Variants in TULP4 observed in about 807,000 individuals in gnomAD.
The protein encoded by TULP4 is tubby-related protein 4.
A neutral mutation model predicts 129.0 loss-of-function variants in TULP4; 16 were observed. The ratio of observed to expected loss-of-function variants is 0.12; its 90% CI spans 0.08 to 0.19. TULP4 has a LOEUF of 0.19. Among genes scored for constraint, TULP4 ranks in the 10% least tolerant of loss-of-function variants. The pLI, the probability that TULP4 is intolerant of heterozygous loss-of-function variation, is 1.00. For missense variants in TULP4, 1,842 were observed against 2,059.1 expected, an observed-to-expected ratio of 0.89 and a Z score of 2.04; for synonymous variants, 998 against 854.0, an observed-to-expected ratio of 1.17 and a Z score of -2.94.
intron 1 of TULP4, among the ~76,000 whole-genome samples, chr6:158,319,461 C>G (rs1424288694): frequency 6.6e-6 from 1 of 152,090 alleles, no homozygotes; most frequent in Admixed American, 6.6e-5. Context: ...GCAGAAAAAC[C>G]CTGTGTCCCC....
At chr6:158,427,471 CTTTTTTTTTTTTTTTTTTTTTTTTTTTTT>C (rs557678837) in intron 2 of TULP4, among the ~76,000 whole-genome samples, 18 of 74,124 alleles carry the variant, frequency 2.4e-4, no homozygotes, top group East Asian at 8.4e-4. Flanking sequence ...ATTATCAGAC[CTTTTTTTTTTTTTTTTTTTTTTTTTTTTT>C]TTTTTTTTTT....
chr6:158,410,418 A>T (rs374747612), intron 1 of TULP4, among the ~76,000 whole-genome samples: 3 of 152,226 alleles, frequency 2.0e-5, no homozygotes, highest in African/African-American at 4.8e-5. Flanking sequence ...ACATCTTGTC[A>T]TCAAGTATTA....
chr6:158,412,384 G>T (rs1778116208), intron 1 of TULP4, among the ~76,000 whole-genome samples: 1 of 152,006 alleles, frequency 6.6e-6, no homozygotes, highest in African/African-American at 2.4e-5. Context: ...GACTCCTCCG[G>T]CACTCACCTA....
intron 9 of TULP4, among the ~76,000 whole-genome samples, chr6:158,491,144 A>G (rs1780189624): frequency 1.3e-5 from 2 of 152,196 alleles, no homozygotes; most frequent in Admixed American, 6.5e-5. Context: ...CCTACCAGCA[A>G]TTTCCAAGAG....
chr6:158,322,009 C>T (rs755191543), intron 1 of TULP4, among the ~76,000 whole-genome samples: 1 of 152,204 alleles, frequency 6.6e-6, no homozygotes, highest in Non-Finnish European at 1.5e-5. Context: ...GGCCCAGAGC[C>T]ACTGGGGACT....
intron 1 of TULP4, among the ~76,000 whole-genome samples, chr6:158,376,164 G>A (rs1230877209): frequency 6.6e-6 from 1 of 152,182 alleles, no homozygotes; most frequent in African/African-American, 2.4e-5. Flanking sequence ...TTGTCTATTG[G>A]ATAGCACGTC....
intron 1 of TULP4, among the ~76,000 whole-genome samples, chr6:158,236,818 T>C (rs1398033246): frequency 1.1e-5 from 1 of 90,624 alleles, no homozygotes; most frequent in Non-Finnish European, 2.3e-5. Flanking sequence ...TTTTTTTTTT[T>C]TTTTTTTTTT....
chr6:158,404,908 A>C (rs1361157385), intron 1 of TULP4, among the ~76,000 whole-genome samples: 1 of 152,144 alleles, frequency 6.6e-6, no homozygotes, highest in East Asian at 1.9e-4. Context: ...GTGATATTTT[A>C]AGCCGAATGA....
At chr6:158,342,435 A>T (rs1423791493) in intron 1 of TULP4, among the ~76,000 whole-genome samples, 3 of 152,222 alleles carry the variant, frequency 2.0e-5, no homozygotes, top group Non-Finnish European at 2.9e-5. Flanking sequence ...AAATGCCGAG[A>T]ACTAGGTTTT....
At chr6:158,295,539 A>T (rs1265250652) in intron 1 of TULP4, among the ~76,000 whole-genome samples, 1 of 152,178 alleles carries the variant, frequency 6.6e-6, no homozygotes, top group South Asian at 2.1e-4. Flanking sequence ...TATAAAGTGT[A>T]TATATGTAAT....
At chr6:158,287,364 T>C (rs1778851223) in intron 1 of TULP4, among the ~76,000 whole-genome samples, 1 of 152,224 alleles carries the variant, frequency 6.6e-6, no homozygotes, top group African/African-American at 2.4e-5. Context: ...TTTATTCCTA[T>C]GTAGGGTCAT....
chr6:158,505,648 G>A (rs1480132442), intron 13 of TULP4, among the ~76,000 whole-genome samples: 2 of 152,232 alleles, frequency 1.3e-5, no homozygotes, highest in African/African-American at 2.4e-5. Context: ...CGTGTGCTAG[G>A]GCATGGCGTC....
chr6:158,457,516 G>A (rs1562574545), intron 5 of TULP4, among the ~76,000 whole-genome samples: 1 of 152,134 alleles, frequency 6.6e-6, no homozygotes, highest in Admixed American at 6.5e-5. Context: ...CACGCAATAA[G>A]CAGGGAATTG....
chr6:158,432,504 C>G (rs941607472), intron 3 of TULP4, among the ~76,000 whole-genome samples: 1 of 152,182 alleles, frequency 6.6e-6, no homozygotes, highest in Admixed American at 6.5e-5. Context: ...ACCTCTTCCT[C>G]ACATCTTGAG....
chr6:158,495,668 C>G (rs1293593249), intron 11 of TULP4, among the ~76,000 whole-genome samples: 1 of 152,042 alleles, frequency 6.6e-6, no homozygotes, highest in Non-Finnish European at 1.5e-5. Context: ...CATGGAGAAC[C>G]TTTCTCTTCT....
chr6:158,263,427 C>G (rs1312245097), intron 1 of TULP4, among the ~76,000 whole-genome samples: 1 of 152,160 alleles, frequency 6.6e-6, no homozygotes, highest in African/African-American at 2.4e-5. Context: ...CTGCTAAAGA[C>G]TTTATTCCTT....
Position 158,502,215 on chromosome 6 carries a change from C to A in TULP4, c.2552C>A (p.Pro851Gln). The part of the protein sequence containing the change: ...IPAAPTTAAP[P>Q]PPLPPPQPPV... ...GCTGCCCCCACCACAGCAGCACCCC[C>A]GCCCCCTCTGCCGCCCCCACAGCCC... Residue 851 changes from proline (P) to glutamine (Q), a missense_variant, in exon 13 of 14, where the codon CCG (proline) becomes CAG (glutamine). Physicochemically the swap from Pro to Gln is moderately conservative, Grantham distance 76 (BLOSUM62 -1). This residue lies in a region of TULP4 where 1,089 missense variants were observed against 987.1 expected (regional missense o/e 1.10). Transcript: ENST00000367097. The A allele has an allele frequency of 1.3e-6, 2 of 1,515,594 alleles. No individual in the cohort carries two copies. Among genetic ancestry groups the A allele is most frequent in the East Asian group, 2.4e-5 (1 of 42,526 alleles). The allele number at this position is 1,515,594 out of a possible 1,614,324, so 93.9% of individuals were successfully genotyped here.
intron 1 of TULP4, among the ~76,000 whole-genome samples, chr6:158,260,468 C>T (rs945690909): frequency 2.6e-5 from 4 of 151,358 alleles, no homozygotes; most frequent in Non-Finnish European, 5.9e-5. Context: ...CCCAGCTACT[C>T]GGGAGGCTGA....
chr6:158,278,201 A>G (rs907523145), upstream of TULP4, among the ~76,000 whole-genome samples: 12 of 152,186 alleles, frequency 7.9e-5, no homozygotes, highest in African/African-American at 2.9e-4. Flanking sequence ...GGGAAAGTGT[A>G]AGGTCTGTGT....
Sources: allele counts gnomAD v4.1 joint callset (sites outside exome capture counted in the v4.1 genomes callset), GRCh38; gene constraint gnomAD v4.1.1; regional missense constraint gnomAD v4.1.1; transcripts MANE v1.5; gene names NCBI Gene and HGNC (gene_info 2026-07-23, HGNC 2026-07-21).